GRK4: variants seen among roughly 807,000 people sequenced by gnomAD.
GRK4 encodes G protein-coupled receptor kinase 4, also known as G protein-coupled receptor kinase 2-like.
In GRK4, 73 loss-of-function variants were observed where a neutral mutation model predicts 77.9. That is an observed-to-expected ratio of 0.94 (90% CI 0.78 to 1.14). The LOEUF is 1.14. GRK4 is among the 50% of genes most tolerant of loss of function. GRK4 has a pLI of 0.00. For synonymous variants in GRK4, 257 were observed against 254.4 expected (o/e 1.01, Z -0.10); for missense variants, 729 against 700.2 (o/e 1.04, Z -0.46).
At chr4:3,038,782 C>T in intron 15 of GRK4, 1 of 388,958 alleles carries the variant, frequency 2.6e-6, no homozygotes, top group Non-Finnish European at 4.6e-6. Context: ...GTGTCGCTGA[C>T]AAAATAGTTT....
rs373331769 is a variant in GRK4, at chr4:3,007,792, A to G, written c.500A>G (p.Tyr167Cys). Reference protein sequence around the residue: ...EPFEEYQESSYFSQFLQWKWL... With the variant: ...EPFEEYQESSCFSQFLQWKWL... ...TTTGAAGAATACCAAGAAAGCTCAT[A>G]TTTTTCTCAGTTTTTACAATGGAAA... is the stretch of plus-strand genomic sequence containing the variant. Residue 167 changes from tyrosine to cysteine, a missense_variant, in exon 6 of 16, where the codon TAT becomes TGT. By Grantham distance (194) the Tyr-to-Cys change is radical. Coordinates refer to ENST00000398052, the MANE Select transcript of GRK4 (RefSeq NM_182982.3). 2 of 1,612,088 alleles carry G rather than the reference A, an allele frequency of 1.2e-6. No individual in the cohort carries two copies. The highest frequency in any genetic ancestry group is 8.5e-7 in the Non-Finnish European group (1 of 1,179,084).
intron 2 of GRK4, among the ~76,000 whole-genome samples, chr4:2,985,329 A>C (rs1723981159): frequency 6.6e-6 from 1 of 150,518 alleles, no homozygotes; most frequent in Admixed American, 6.7e-5. Context: ...TGAAACCGGG[A>C]GGCGGAGCTT....
intron 1 of GRK4, among the ~76,000 whole-genome samples, chr4:2,979,650 T>C (rs1429150239): frequency 6.6e-6 from 1 of 151,812 alleles, no homozygotes; most frequent in East Asian, 1.9e-4. Context: ...TAGGCGGAGG[T>C]TGTGGTGAGC....
intron 8 of GRK4, among the ~76,000 whole-genome samples, chr4:3,015,346 G>T (rs904232323): frequency 3.9e-5 from 6 of 152,202 alleles, no homozygotes; most frequent in African/African-American, 1.4e-4. Context: ...TGTGCAGGGG[G>T]ACAAATGTTC....
intron 5 of GRK4, among the ~76,000 whole-genome samples, chr4:3,006,216 C>CTAAG (rs1560437642): frequency 6.6e-6 from 1 of 150,980 alleles, no homozygotes; most frequent in Non-Finnish European, 1.5e-5. Flanking sequence ...CCTGTCTCTA[C>CTAAG]TAAACATACA....
intron 3 of GRK4, among the ~76,000 whole-genome samples, chr4:2,991,076 G>A (rs1256361303): frequency 6.6e-6 from 1 of 152,202 alleles, no homozygotes; most frequent in Non-Finnish European, 1.5e-5. Flanking sequence ...AGAACCCATA[G>A]GAGGAGATAT....
At chr4:3,021,269 C>A (rs977264599) in intron 9 of GRK4, among the ~76,000 whole-genome samples, 13 of 152,190 alleles carry the variant, frequency 8.5e-5, no homozygotes, top group African/African-American at 3.1e-4. Context: ...ACTCTCCACC[C>A]AGCCCCTCTT....
chr4:2,964,070 C>A lies in GRK4; in HGVS notation c.-1C>A, dbSNP rs1403540951. Reference sequence around the variant, plus strand: ...TCCGCCGGCGGCGGCGGCGCCAGGACATGGAGCTCGAGAACATCGTGGCCA... The same window carrying A: ...TCCGCCGGCGGCGGCGGCGCCAGGAAATGGAGCTCGAGAACATCGTGGCCA... On this transcript the variant is annotated 5_prime_UTR_variant, in exon 1 of 16. Transcript: ENST00000398052. 6.2e-7 allele frequency: 1 copy of A among 1,609,242 alleles called. No homozygotes were observed. The highest frequency in any genetic ancestry group is 8.5e-7 in the Non-Finnish European group (1 of 1,179,080).
chr4:3,004,885 A>G (rs561589892), intron 5 of GRK4, among the ~76,000 whole-genome samples: 1 of 152,018 alleles, frequency 6.6e-6, no homozygotes, highest in South Asian at 2.1e-4. Flanking sequence ...GGTCAACTGT[A>G]CTTTACACAT....
At chr4:3,027,564 G>A (rs1473461304) in intron 10 of GRK4, among the ~76,000 whole-genome samples, 2 of 152,144 alleles carry the variant, frequency 1.3e-5, no homozygotes, top group African/African-American at 4.8e-5. Flanking sequence ...TTACTGTTCT[G>A]TAGTTGATAT....
chr4:3,013,413 C>A (rs1369793300), intron 7 of GRK4, among the ~76,000 whole-genome samples: 1 of 152,074 alleles, frequency 6.6e-6, no homozygotes, highest in Admixed American at 6.5e-5. Context: ...AAGTAAAATA[C>A]ACATATGGGG....
chr4:3,027,238 G>A (rs112198920), intron 10 of GRK4, among the ~76,000 whole-genome samples: 1,687 of 152,162 alleles, frequency 0.011, 27 homozygotes, highest in African/African-American at 0.039. Context: ...ATAGAGACAG[G>A]GTCTTGTCAT....
intron 15 of GRK4, 125 bp from the exon 16 acceptor site, chr4:3,040,443 AAAAT>A (rs1328354902): frequency 4.1e-5 from 27 of 655,946 alleles, no homozygotes; most frequent in South Asian, 2.0e-4. Context: ...TATGTCTCAA[AAAAT>A]AAATAAATAA....
At chr4:2,965,279 A>G in intron 1 of GRK4, 1 of 703,050 alleles carries the variant, frequency 1.4e-6, no homozygotes, top group East Asian at 2.7e-5. Context: ...CAGTTGGTCC[A>G]GCCCTTCAGC....
At chr4:2,972,701 G>A (rs2109420884) in intron 1 of GRK4, among the ~76,000 whole-genome samples, 1 of 152,190 alleles carries the variant, frequency 6.6e-6, no homozygotes, top group South Asian at 2.1e-4. Context: ...GGTGCACAGT[G>A]TGTGCGCTGC....
At position 2,963,876 on chromosome 4, in the gene GRK4, G is replaced by A. The variant is rs1352533019; in HGVS notation, c.-195G>A. On this transcript the variant is annotated 5_prime_UTR_variant, in exon 1 of 16. Transcript: ENST00000398052. ...CCCCGACCGCTCCCCTGCTGGTGAG[G>A]GCCTGCGGAGGCGGCGGCGGCGGCG... is the stretch of plus-strand genomic sequence containing the variant. 10 of 646,478 alleles carry A rather than the reference G, an allele frequency of 1.5e-5. No homozygotes were observed. The highest frequency in any genetic ancestry group is 9.2e-5 in the African/African-American group (5 of 54,310). 40.0% of individuals were successfully genotyped at this position (646,478 alleles called of 1,614,324 possible).
Position 3,030,939 on chromosome 4 carries a change from C to T in GRK4, c.1269+1530C>T, listed in dbSNP as rs369471144. 6.9e-4 allele frequency among the ~76,000 whole-genome samples: 105 copies of T among 152,176 alleles called. 1 individual carries two copies. Among genetic ancestry groups the T allele is most frequent in the African/African-American group, 2.5e-3 (102 of 41,510 alleles). On this transcript the variant is annotated intron_variant, in intron 12 of 15. Transcript: ENST00000398052. ...AATGAATGGACAGGGAGGAGGAAGG[C>T]CATTGGGGGCTTTGCAGCGATTCAG... is the stretch of plus-strand genomic sequence containing the variant.
chr4:2,980,630 GAC>G (rs1221097729), intron 1 of GRK4, among the ~76,000 whole-genome samples: 10 of 152,064 alleles, frequency 6.6e-5, no homozygotes, highest in Non-Finnish European at 1.2e-4. Context: ...CCTCTTGCCT[GAC>G]AGGCTAGTCC....
intron 2 of GRK4, among the ~76,000 whole-genome samples, chr4:2,988,500 G>A (rs898753108): frequency 6.6e-6 from 1 of 152,176 alleles, no homozygotes; most frequent in Non-Finnish European, 1.5e-5. Context: ...GAACCCGGGA[G>A]GCAGAGGCTG....
Sources: allele counts gnomAD v4.1 joint callset (sites outside exome capture counted in the v4.1 genomes callset), GRCh38; gene constraint gnomAD v4.1.1; transcripts MANE v1.5; gene names NCBI Gene and HGNC (gene_info 2026-07-23, HGNC 2026-07-21).